The following TCF4 variants were observed in gnomAD, a reference collection of about 807,000 sequenced individuals.
TCF4 encodes the protein SL3-3 enhancer factor 2.
Under a neutral mutation model 82.1 loss-of-function variants are expected in TCF4, and 3 were observed. The observed-to-expected ratio is 0.04, with a 90% CI of 0.02 to 0.09. TCF4 has a LOEUF of 0.09. TCF4 is among the 10% of genes least tolerant of loss of function. The pLI, the probability that TCF4 is intolerant of heterozygous loss-of-function variation, is 1.00. For missense variants in TCF4, 518 were observed against 852.7 expected (o/e 0.61, Z 4.89); for synonymous variants, 276 against 309.6 (o/e 0.89, Z 1.14).
intron 3 of TCF4, among the ~76,000 whole-genome samples, chr18:55,493,189 T>C (rs2145850680): frequency 6.6e-6 from 1 of 152,298 alleles, no homozygotes; most frequent in Non-Finnish European, 1.5e-5. Flanking sequence ...AAACAAAGTC[T>C]ATTTTAAAAA....
chr18:55,369,943 ATGCATTC>A (rs1416155128), intron 6 of TCF4, among the ~76,000 whole-genome samples: 2 of 151,908 alleles, frequency 1.3e-5, no homozygotes, highest in Non-Finnish European at 2.9e-5. Context: ...GTGTTTGAAA[ATGCATTC>A]TGCAATAGAT....
chr18:55,313,766 C>T (rs1001372452), intron 8 of TCF4, among the ~76,000 whole-genome samples: 1 of 152,066 alleles, frequency 6.6e-6, no homozygotes, highest in African/African-American at 2.4e-5. Flanking sequence ...CAAGGAAGAA[C>T]TCAACCAGAA....
chr18:55,399,874 T>A (rs1408544831), intron 6 of TCF4, among the ~76,000 whole-genome samples: 58 of 130,132 alleles, frequency 4.5e-4, no homozygotes, highest in African/African-American at 1.3e-3. Context: ...TCTCTCTCTC[T>A]CTCTCTCACA....
chr18:55,250,048 A>G (rs1350662060), intron 15 of TCF4, among the ~76,000 whole-genome samples: 1 of 152,228 alleles, frequency 6.6e-6, no homozygotes, highest in African/African-American at 2.4e-5. Flanking sequence ...AGGGAATCAT[A>G]CTTGGTAAGA....
chr18:55,588,347 G>A, upstream of TCF4: 1 of 1,488,572 alleles, frequency 6.7e-7, no homozygotes, highest in Non-Finnish European at 8.9e-7. Flanking sequence ...GGGGAGACGC[G>A]ACTTGCTCCG....
intron 8 of TCF4, chr18:55,321,699 A>C (rs1466250826): frequency 1.3e-6 from 2 of 1,536,120 alleles, no homozygotes; most frequent in Admixed American, 3.9e-5. Flanking sequence ...TACATCAAAG[A>C]GTTGCCGCCC....
At chr18:55,621,568 ATAT>A (rs1474471835) in intron 2 of TCF4, among the ~76,000 whole-genome samples, 4 of 54,968 alleles carry the variant, frequency 7.3e-5, no homozygotes, top group Non-Finnish European at 1.6e-4. Flanking sequence ...ACATTATATA[ATAT>A]TATATAATAT....
chr18:55,544,789 C>T (rs2097191753), intron 3 of TCF4, among the ~76,000 whole-genome samples: 2 of 152,076 alleles, frequency 1.3e-5, no homozygotes. Flanking sequence ...AAGAAACCAA[C>T]ATGCACACCT....
At chr18:55,482,388 G>C (rs1161586582) in intron 3 of TCF4, 3 of 152,226 alleles carry the variant, frequency 2.0e-5, no homozygotes, top group South Asian at 2.1e-4. Context: ...CGTGATGAGA[G>C]GGATAGGATT....
intron 2 of TCF4, among the ~76,000 whole-genome samples, chr18:55,630,500 A>G (rs2097730519): frequency 6.6e-6 from 1 of 152,250 alleles, no homozygotes; most frequent in Admixed American, 6.5e-5. Flanking sequence ...CAGATGAATT[A>G]CAAGTGTCAG....
chr18:55,544,680 C>G (rs555524523), intron 3 of TCF4, among the ~76,000 whole-genome samples: 5 of 152,240 alleles, frequency 3.3e-5, no homozygotes, highest in African/African-American at 1.2e-4. Flanking sequence ...AATAAGCAAA[C>G]TTGATGGTTT....
At chr18:55,627,145 T>C (rs1424475642) in intron 2 of TCF4, among the ~76,000 whole-genome samples, 1 of 152,180 alleles carries the variant, frequency 6.6e-6, no homozygotes, top group Non-Finnish European at 1.5e-5. Context: ...GTGGTTCTAA[T>C]TTGGTAACTC....
intron 3 of TCF4, among the ~76,000 whole-genome samples, chr18:55,563,938 A>G (rs1316327707): frequency 6.6e-6 from 1 of 152,262 alleles, no homozygotes; most frequent in Admixed American, 6.5e-5. Flanking sequence ...ATTTAAAATG[A>G]GCATGATCTC....
chr18:55,245,920 C>G (rs1021934998), intron 15 of TCF4, among the ~76,000 whole-genome samples: 1 of 152,204 alleles, frequency 6.6e-6, no homozygotes, highest in African/African-American at 2.4e-5. Context: ...CCAAAAGCAT[C>G]TGAAGCACAG....
rs1466794051 is a variant in TCF4, at chr18:55,626,550, A to C, written c.286+4748T>G. ...CTGAGACTTGACATATAAAAATTCA[A>C]ACGTGTATGAAACTTCAGGAAAGTT... is the stretch of plus-strand genomic sequence containing the variant. On this transcript the variant is annotated intron_variant, in intron 2 of 20. Transcript: ENST00000398339. 2.0e-5 allele frequency among the ~76,000 whole-genome samples: 3 copies of C among 152,230 alleles called. No homozygotes were observed. The East Asian group carries it at 5.8e-4, about 29-fold the overall frequency.
intron 6 of TCF4, among the ~76,000 whole-genome samples, chr18:55,353,757 C>A (rs908186363): frequency 6.6e-6 from 1 of 151,934 alleles, no homozygotes; most frequent in African/African-American, 2.4e-5. Flanking sequence ...AAGTGAATGG[C>A]GTTTGATTTA....
intron 8 of TCF4, among the ~76,000 whole-genome samples, chr18:55,344,052 A>G (rs568104342): frequency 1.3e-5 from 2 of 152,324 alleles, no homozygotes; most frequent in South Asian, 4.1e-4. Context: ...TTAAGAAAAT[A>G]CAACTTTGAC....
intron 3 of TCF4, among the ~76,000 whole-genome samples, chr18:55,520,245 G>A (rs986339030): frequency 1.4e-4 from 22 of 152,050 alleles, no homozygotes; most frequent in African/African-American, 5.3e-4. Context: ...AATCAAAGCA[G>A]TATCTTATCA....
chr18:55,319,192 A>G (rs1256145219), intron 8 of TCF4, among the ~76,000 whole-genome samples: 2 of 152,220 alleles, frequency 1.3e-5, no homozygotes, highest in Non-Finnish European at 2.9e-5. Context: ...CCTCCAAACG[A>G]TAAGTAAAAC....
Sources: allele counts gnomAD v4.1 joint callset (sites outside exome capture counted in the v4.1 genomes callset), GRCh38; gene constraint gnomAD v4.1.1; transcripts MANE v1.5; gene names NCBI Gene and HGNC (gene_info 2026-07-23, HGNC 2026-07-21).